The following EIF3A variants were observed in gnomAD, a reference collection of about 807,000 sequenced individuals.
EIF3A encodes the protein EIF3, p180 subunit.
A neutral mutation model predicts 186.6 loss-of-function variants in EIF3A; 21 were observed. The ratio of observed to expected loss-of-function variants is 0.11; its 90% CI spans 0.08 to 0.16. The LOEUF is 0.16. EIF3A is among the 10% of genes least tolerant of loss of function. EIF3A has a pLI of 1.00. For synonymous variants in EIF3A, 563 were observed against 584.3 expected, an observed-to-expected ratio of 0.96 and a Z score of 0.52; for missense variants, 1,306 against 1,796.3, an observed-to-expected ratio of 0.73 and a Z score of 4.93.
chr10:119,058,556 T>C (rs1220831091), intron 11 of EIF3A, among the ~76,000 whole-genome samples: 1 of 152,220 alleles, frequency 6.6e-6, no homozygotes, highest in African/African-American at 2.4e-5. Context: ...GCACCAAACC[T>C]ACCTTAGGTG....
In EIF3A at chr10:119,070,782, T is replaced by C. The variant is rs574777202; in HGVS notation, c.741+104A>G. The C allele has an allele frequency of 3.7e-5, 29 of 786,180 alleles. No homozygotes were observed. In the East Asian group the frequency reaches 5.0e-4, roughly 14 times the overall value. The allele number at this position is 786,180 out of a possible 1,614,324, so 48.7% of individuals were successfully genotyped here. ...TAGGCAACTTTAATTCCTTACCTTA[T>C]TGAAATTAACCAATGCATACCAAGA... On this transcript the variant is annotated intron_variant, in intron 5 of 21. Coordinates refer to ENST00000369144, the MANE Select transcript of EIF3A (RefSeq NM_003750.4).
chr10:119,074,589 C>T (rs1252399795), intron 1 of EIF3A, among the ~76,000 whole-genome samples: 1 of 151,686 alleles, frequency 6.6e-6, no homozygotes, highest in Non-Finnish European at 1.5e-5. Context: ...TTGCAACACT[C>T]TGGAAATCTC....
Position 119,036,191 on chromosome 10 carries a change from G to A in EIF3A, c.3997C>T (p.Pro1333Ser), listed in dbSNP as rs374146406. Reference protein sequence around the residue: ...ERDPPRRVPPPALSRDRERDR... With the variant: ...ERDPPRRVPPSALSRDRERDR... Reference sequence around the variant, plus strand: ...CTTTCTCGGTCTCTTGAAAGAGCTGGGGGAGGAACTCGACGAGGAGGGTCC... The same window carrying A: ...CTTTCTCGGTCTCTTGAAAGAGCTGAGGGAGGAACTCGACGAGGAGGGTCC... Residue 1333 changes from proline to serine, a missense_variant, in exon 22 of 22, where the codon CCA becomes TCA. Around this residue, in one of 8 missense-constraint regions of EIF3A, gnomAD observed 331 missense variants for 365.8 expected, o/e 0.90. Transcript: ENST00000369144. 1 of 1,613,362 alleles carries A rather than the reference G, an allele frequency of 6.2e-7. No homozygotes were observed. Among genetic ancestry groups the A allele is most frequent in the African/African-American group, 1.3e-5 (1 of 74,700 alleles).
chr10:119,060,764 G>A lies in EIF3A; in HGVS notation c.1308C>T (p.Ile436=). ...QYVPQLQNNT[I]LRLLQQVSQI... ...TTTTTACCTGCTGCAGAAGGCGGAG[G>A]ATGGTGTTGTTTTGCAGTTGTGGCA... Residue 436 remains isoleucine (I), a synonymous_variant, in exon 9 of 22, where the codon ATC becomes ATT. Transcript: ENST00000369144. 1 of 1,608,626 alleles carries A rather than the reference G, an allele frequency of 6.2e-7. No individual in the cohort carries two copies. The highest frequency in any genetic ancestry group is 8.5e-7 in the Non-Finnish European group (1 of 1,177,998).
At chr10:119,071,217 G>A (rs2119820009) in intron 4 of EIF3A, 132 bp from the exon 5 acceptor site, 1 of 681,442 alleles carries the variant, frequency 1.5e-6, no homozygotes, top group South Asian at 1.8e-5. Context: ...TCTTTGTGAT[G>A]CAATGAGAAT....
chr10:119,075,134 G>T (rs1003477473), intron 1 of EIF3A, among the ~76,000 whole-genome samples: 1 of 151,682 alleles, frequency 6.6e-6, no homozygotes, highest in Middle Eastern at 3.4e-3. Context: ...GCTAATTTTT[G>T]TATGTTTAGT....
intron 6 of EIF3A, among the ~76,000 whole-genome samples, chr10:119,066,284 G>C (rs1015301128): frequency 2.6e-5 from 4 of 151,618 alleles, no homozygotes; most frequent in African/African-American, 9.7e-5. Context: ...CGAAGCAGAC[G>C]GATCACCTGA....
chr10:119,038,212 C>A (rs1848162485), intron 20 of EIF3A, 26 bp downstream of exon 20: 3 of 1,602,030 alleles, frequency 1.9e-6, no homozygotes, highest in African/African-American at 1.3e-5. Flanking sequence ...CCGGCCTCTA[C>A]AAATAATTTA....
chr10:119,059,830 A>T (rs1843854647), intron 9 of EIF3A, 112 bp from the exon 10 acceptor site: 3 of 766,744 alleles, frequency 3.9e-6, no homozygotes, highest in Non-Finnish European at 7.0e-6. Context: ...AATTTATGTT[A>T]GCAGTACATT....
At chr10:119,044,257 A>G in intron 17 of EIF3A, 115 bp from the exon 18 acceptor site, 1 of 711,244 alleles carries the variant, frequency 1.4e-6, no homozygotes, top group South Asian at 1.7e-5. Flanking sequence ...CCCTTAAATA[A>G]GCAAGTTTTA....
chr10:119,079,841 C>T (rs1460614059), intron 1 of EIF3A, among the ~76,000 whole-genome samples: 1 of 152,186 alleles, frequency 6.6e-6, no homozygotes, highest in East Asian at 1.9e-4. Flanking sequence ...CAACAACTCC[C>T]GGAGTGACCT....
At chr10:119,054,453 G>A (rs940676972) in intron 14 of EIF3A, among the ~76,000 whole-genome samples, 1 of 151,620 alleles carries the variant, frequency 6.6e-6, no homozygotes, top group Non-Finnish European at 1.5e-5. Context: ...GGTGGCTCAT[G>A]CCTGTAATCC....
chr10:119,051,575 T>A (rs936088805), intron 14 of EIF3A, among the ~76,000 whole-genome samples: 2 of 152,110 alleles, frequency 1.3e-5, no homozygotes, highest in Admixed American at 6.5e-5. Flanking sequence ...AGGAACTTTA[T>A]AAAGGAAAAA....
chr10:119,077,833 A>C (rs1208276840), intron 1 of EIF3A, among the ~76,000 whole-genome samples: 3 of 152,106 alleles, frequency 2.0e-5, no homozygotes, highest in African/African-American at 7.2e-5. Flanking sequence ...GATTACAGGC[A>C]TGAGCCACCA....
intron 17 of EIF3A, among the ~76,000 whole-genome samples, chr10:119,046,670 T>G (rs931129466): frequency 2.0e-5 from 3 of 152,172 alleles, no homozygotes; most frequent in African/African-American, 4.8e-5. Context: ...AGGAAAAAAT[T>G]AATGGTGGCC....
At chr10:119,065,335 G>T in intron 7 of EIF3A, 64 bp downstream of exon 7, 1 of 1,185,592 alleles carries the variant, frequency 8.4e-7, no homozygotes, top group Non-Finnish European at 1.2e-6. Context: ...TTAATCATGA[G>T]TTATTAAACC....
intron 6 of EIF3A, among the ~76,000 whole-genome samples, chr10:119,068,784 C>T (rs765937265): frequency 2.0e-5 from 3 of 151,636 alleles, no homozygotes; most frequent in Admixed American, 6.6e-5. Flanking sequence ...ACCAGCCTGG[C>T]CAATATGGTA....
At chr10:119,065,330 C>T (rs1843954732) in intron 7 of EIF3A, 69 bp downstream of exon 7, 1 of 1,116,968 alleles carries the variant, frequency 9.0e-7, no homozygotes. Flanking sequence ...AGTATTTAAT[C>T]ATGAGTTATT....
rs1160085916 is a variant in EIF3A, at chr10:119,038,152, G to C, written c.3728+86C>G. Reference sequence around the variant, plus strand: ...GGCTGCTCTCGAACTCCTGAACTCAGGTGATCCGCCCTCCCAAAGTGCTGG... The same window carrying C: ...GGCTGCTCTCGAACTCCTGAACTCACGTGATCCGCCCTCCCAAAGTGCTGG... On this transcript the variant is annotated intron_variant, in intron 20 of 21. Transcript: ENST00000369144. 2.5e-6 allele frequency: 3 copies of C among 1,189,880 alleles called. No individual in the cohort carries two copies. Among genetic ancestry groups the C allele is most frequent in the African/African-American group, 3.0e-5 (2 of 66,142 alleles). The allele number at this position is 1,189,880 out of a possible 1,614,324, so 73.7% of individuals were successfully genotyped here. A position where few individuals can be genotyped will look rare whatever the true frequency, so the allele number is the denominator to read the frequency against.
Sources: gnomAD v4.1 joint callset for allele counts (sites outside exome capture counted in the v4.1 genomes callset) on GRCh38, gnomAD v4.1.1 for gene constraint, gnomAD v4.1.1 regional missense constraint, MANE v1.5 for transcripts, NCBI Gene and HGNC (gene_info 2026-07-23, HGNC 2026-07-21) for gene names.